UGT1A10: variants seen among roughly 807,000 people sequenced by gnomAD.
UGT1A10 encodes the protein UDP glucuronosyltransferase family 1 member A10, also known as UDP-glucuronosyltransferase 1A10.
In UGT1A10, 49 loss-of-function variants were observed where a neutral mutation model predicts 45.8. That is an observed-to-expected ratio of 1.07 (90% CI 0.85 to 1.36). The LOEUF (loss-of-function observed/expected upper bound fraction) is 1.36, where lower values mean the gene tolerates loss of function less well. UGT1A10 is among the 40% of genes most tolerant of loss of function. The pLI, the probability that UGT1A10 is intolerant of heterozygous loss-of-function variation, is 0.00. For missense variants in UGT1A10, 745 were observed against 668.6 expected, an observed-to-expected ratio of 1.11 and a Z score of -1.26; for synonymous variants, 284 against 249.7, an observed-to-expected ratio of 1.14 and a Z score of -1.29.
At chr2:233,667,404 T>C (rs1457681333) in intron 1 of UGT1A10, among the ~76,000 whole-genome samples, 2 of 152,214 alleles carry the variant, frequency 1.3e-5, no homozygotes. Flanking sequence ...AAGACTTAAA[T>C]GTTAGACCTT....
chr2:233,705,029 G>A (rs1236578902), intron 1 of UGT1A10, among the ~76,000 whole-genome samples: 1 of 151,982 alleles, frequency 6.6e-6, no homozygotes, highest in Non-Finnish European at 1.5e-5. Context: ...CCAGCTACTC[G>A]GGAGGCTGAG....
chr2:233,719,636 C>G (rs1397748790), intron 1 of UGT1A10: 2 of 1,614,094 alleles, frequency 1.2e-6, no homozygotes, highest in Non-Finnish European at 1.7e-6. Context: ...TCATGCCCAA[C>G]ATGGTCTTCA....
intron 1 of UGT1A10, among the ~76,000 whole-genome samples, chr2:233,744,679 T>C (rs1489705981): frequency 6.6e-6 from 1 of 151,892 alleles, no homozygotes; most frequent in Admixed American, 6.5e-5. Flanking sequence ...ACATCACCCA[T>C]GTAGCTTCTG....
chr2:233,693,260 G>A (rs776937085), intron 1 of UGT1A10: 12 of 1,614,006 alleles, frequency 7.4e-6, no homozygotes, highest in Non-Finnish European at 1.0e-5. Flanking sequence ...TGACCAAGAA[G>A]AGCTGAAGAA....
At chr2:233,682,930 T>C in intron 1 of UGT1A10, 1 of 1,457,526 alleles carries the variant, frequency 6.9e-7, no homozygotes. Context: ...TTTGTACCAA[T>C]TCACTTAATT....
intron 1 of UGT1A10, among the ~76,000 whole-genome samples, chr2:233,727,122 G>A (rs188097836): frequency 6.6e-6 from 1 of 152,290 alleles, no homozygotes; most frequent in Non-Finnish European, 1.5e-5. Context: ...TGTGAGATTG[G>A]CAGAGGGGAA....
chr2:233,699,711 C>A (rs375933145), intron 1 of UGT1A10, among the ~76,000 whole-genome samples: 2 of 152,204 alleles, frequency 1.3e-5, no homozygotes, highest in South Asian at 4.1e-4. Flanking sequence ...GGTTTTCTTG[C>A]AGCATTTTTT....
At chr2:233,706,628 T>C (rs1559354797) in intron 1 of UGT1A10, among the ~76,000 whole-genome samples, 1 of 152,116 alleles carries the variant, frequency 6.6e-6, no homozygotes, top group African/African-American at 2.4e-5. Context: ...GAAATGAGTG[T>C]TTCTACTGTG....
At chr2:233,681,170 G>A (rs2074512235) in intron 1 of UGT1A10, among the ~76,000 whole-genome samples, 2 of 151,798 alleles carry the variant, frequency 1.3e-5, no homozygotes, top group Non-Finnish European at 2.9e-5. Flanking sequence ...TCAACGCTAA[G>A]ACCCTTGCTC....
intron 1 of UGT1A10, among the ~76,000 whole-genome samples, chr2:233,705,485 G>A (rs1165724639): frequency 6.6e-6 from 1 of 152,156 alleles, no homozygotes; most frequent in Non-Finnish European, 1.5e-5. Context: ...CAAATTTAAT[G>A]ATAATAAATA....
At chr2:233,724,191 T>C (rs1269931641) in intron 1 of UGT1A10, among the ~76,000 whole-genome samples, 4 of 105,204 alleles carry the variant, frequency 3.8e-5, no homozygotes, top group South Asian at 3.6e-4. Flanking sequence ...CCGGACGGGG[T>C]GGCTGGCCGG....
chr2:233,717,168 T>C (rs1307662395), intron 1 of UGT1A10, among the ~76,000 whole-genome samples: 1 of 152,206 alleles, frequency 6.6e-6, no homozygotes, highest in Non-Finnish European at 1.5e-5. Context: ...GCCCCTTGAA[T>C]GTGGCAAGAG....
intron 1 of UGT1A10, chr2:233,748,060 A>T: frequency 1.9e-6 from 3 of 1,613,406 alleles, no homozygotes; most frequent in Non-Finnish European, 2.5e-6. Flanking sequence ...AACTGTGCCA[A>T]CAGGAAGCCA....
At chr2:233,681,193 A>G (rs2074513276) in intron 1 of UGT1A10, among the ~76,000 whole-genome samples, 1 of 152,006 alleles carries the variant, frequency 6.6e-6, no homozygotes, top group South Asian at 2.1e-4. Context: ...TTTCCGTCGA[A>G]CATGAGATGC....
At chr2:233,698,345 A>G (rs2075437206) in intron 1 of UGT1A10, among the ~76,000 whole-genome samples, 1 of 152,242 alleles carries the variant, frequency 6.6e-6, no homozygotes, top group African/African-American at 2.4e-5. Flanking sequence ...TCAGTTGCAA[A>G]ACATGAATGT....
intron 1 of UGT1A10, among the ~76,000 whole-genome samples, chr2:233,665,230 A>C (rs997882283): frequency 6.6e-6 from 1 of 152,244 alleles, no homozygotes; most frequent in Non-Finnish European, 1.5e-5. Context: ...ATGACATGAA[A>C]GTCTTTACTT....
At chr2:233,686,094 C>G (rs2074772715) in intron 1 of UGT1A10, among the ~76,000 whole-genome samples, 1 of 151,854 alleles carries the variant, frequency 6.6e-6, no homozygotes, top group Non-Finnish European at 1.5e-5. Flanking sequence ...ATATCCAAGT[C>G]CAAGAGAATG....
At chr2:233,679,576 C>T (rs2074456739) in intron 1 of UGT1A10, among the ~76,000 whole-genome samples, 1 of 151,584 alleles carries the variant, frequency 6.6e-6, no homozygotes, top group African/African-American at 2.4e-5. Flanking sequence ...TTTGTTTTTT[C>T]CAGAATAGGG....
chr2:233,692,950 G>A lies in UGT1A10; in HGVS notation c.855+55573G>A, dbSNP rs1209522841. On this transcript the variant is annotated intron_variant, in intron 1 of 4. Coordinates refer to ENST00000344644, the MANE Select transcript of UGT1A10 (RefSeq NM_019075.4). ...TTTAGGGAAAATACCTAGGAGCCCT[G>A]TGATTTGGAGAGTGAAAACTCTTTA... is the stretch of plus-strand genomic sequence containing the variant. 7 of 1,602,458 alleles carry A rather than the reference G, an allele frequency of 4.4e-6. No homozygotes were observed. In the East Asian group the frequency reaches 1.1e-4, roughly 25 times the overall value.
Sources: gnomAD v4.1 joint callset for allele counts (sites outside exome capture counted in the v4.1 genomes callset) on GRCh38, gnomAD v4.1.1 for gene constraint, MANE v1.5 for transcripts, NCBI Gene and HGNC (gene_info 2026-07-23, HGNC 2026-07-21) for gene names.